Variants in APELA observed in about 807,000 individuals in gnomAD.
APELA encodes the protein apelin receptor early endogenous ligand, also known as protein Elabela.
chr4:164,878,632 G>GA (rs1256205769), intron 1 of APELA, among the ~76,000 whole-genome samples: 4 of 152,102 alleles, frequency 2.6e-5, no homozygotes, highest in Admixed American at 2.6e-4. Flanking sequence ...GAGCATTTAG[G>GA]AAAAAATCAT....
chr4:164,888,450 A>C (rs1162280593), intron 2 of APELA, among the ~76,000 whole-genome samples: 1 of 152,330 alleles, frequency 6.6e-6, no homozygotes. Flanking sequence ...GGTTTTCTTC[A>C]GTTAGTCCTA....
At position 164,889,274 on chromosome 4, in the gene APELA, T is replaced by C. The variant is rs1292110828; in HGVS notation, c.*2-6142T>C. Among the ~76,000 whole-genome samples, 6 of 152,284 alleles carry C rather than the reference T, an allele frequency of 3.9e-5. No homozygotes were observed. In the East Asian group the frequency reaches 7.7e-4, roughly 20 times the overall value. ...AAAATTGTGCTGGAGTTTAGTTCAA[T>C]TTTATACTTAGTCTTCACATTTTTT... On this transcript the variant is annotated intron_variant, in intron 2 of 2. Transcript: ENST00000507152.
At chr4:164,885,467 G>A (rs1485481190) in intron 2 of APELA, among the ~76,000 whole-genome samples, 8 of 151,946 alleles carry the variant, frequency 5.3e-5, no homozygotes, top group Admixed American at 2.0e-4. Context: ...TAGGCTGGGC[G>A]TGGTGGCTCA....
At chr4:164,886,640 C>A (rs13139663) in intron 2 of APELA, among the ~76,000 whole-genome samples, 1 of 151,068 alleles carries the variant, frequency 6.6e-6, no homozygotes, top group Non-Finnish European at 1.5e-5. Flanking sequence ...AGTGAGACTC[C>A]GTCTAAAAAA....
downstream of APELA, among the ~76,000 whole-genome samples, chr4:164,898,520 A>G (rs541343382): frequency 7.2e-3 from 1,045 of 145,788 alleles, 13 homozygotes; most frequent in African/African-American, 0.026. Context: ...AAAAAAAAAA[A>G]GGTTATTTGT....
Position 164,883,490 on chromosome 4 carries a change from C to CT in APELA, c.*1+4496dup, listed in dbSNP as rs397945999. On this transcript the variant is annotated intron_variant, in intron 2 of 2. Transcript: ENST00000507152. The stretch of plus-strand genomic sequence containing the variant: ...TGTTCCCTTTCTAGTCTTTCTTTTT[C>CT]TTTTTTTTTTTTTTTGAGACAGGAT... Among the ~76,000 whole-genome samples the CT allele has an allele frequency of 3.7e-3, 525 of 140,852 alleles. 7 individuals are homozygous for CT. The highest frequency in any genetic ancestry group is 0.037 in the South Asian group (168 of 4,524). The allele number at this position is 140,852 out of a possible 152,430, so 92.4% of individuals were successfully genotyped here. A position where few individuals can be genotyped will look rare whatever the true frequency, so the allele number is the denominator to read the frequency against.
chr4:164,898,035 C>T (rs1161836427), downstream of APELA, among the ~76,000 whole-genome samples: 1 of 152,000 alleles, frequency 6.6e-6, no homozygotes, highest in Non-Finnish European at 1.5e-5. Context: ...GGATTACAGG[C>T]ACCCACCACC....
Position 164,887,982 on chromosome 4 carries a change from A to G in APELA, c.*2-7434A>G, listed in dbSNP as rs552017426. On this transcript the variant is annotated intron_variant, in intron 2 of 2. Coordinates refer to ENST00000507152, the MANE Select transcript of APELA (RefSeq NM_001297550.2). ...TCACAGCAGAATTTAGCAGCTGGCT[A>G]CTTGGCCTGCAAAAGTCCCTTCCCT... Among the ~76,000 whole-genome samples the G allele has an allele frequency of 3.3e-5, 5 of 152,270 alleles. No individual in the cohort carries two copies. In the South Asian group the frequency reaches 6.2e-4, roughly 19 times the overall value.
chr4:164,888,634 T>C (rs1031222619), intron 2 of APELA, among the ~76,000 whole-genome samples: 1 of 152,144 alleles, frequency 6.6e-6, no homozygotes, highest in Non-Finnish European at 1.5e-5. Flanking sequence ...GTCTCCCAGT[T>C]CCCAATTTGT....
chr4:164,882,855 C>T (rs142391194), intron 2 of APELA, among the ~76,000 whole-genome samples: 3,124 of 151,878 alleles, frequency 0.021, 98 homozygotes, highest in African/African-American at 0.071. Flanking sequence ...TGGTTTTTTG[C>T]CCTTGCGATA....
rs1730607165 is a variant in APELA at position 164,878,970 on chromosome 4, AGAT to A, written c.129_131del (p.Arg43_Cys44delinsSer). On this transcript the variant is annotated inframe_deletion, in exon 2 of 3. Coordinates refer to ENST00000507152, the MANE Select transcript of APELA (RefSeq NM_001297550.2). ...GCGCAAACACAATTGCCTTCAGAGG[AGAT>A]GTATGCCTCTCCATTCACGAGTACC... 2.5e-5 allele frequency: 10 copies of A among 398,888 alleles called. 1 individual carries two copies. In the Admixed American group the frequency reaches 4.4e-4, roughly 18 times the overall value. 24.7% of individuals were successfully genotyped at this position (398,888 alleles called of 1,614,324 possible). A position where few individuals can be genotyped will look rare whatever the true frequency, so the allele number is the denominator to read the frequency against.
chr4:164,894,480 G>A (rs1579113784), intron 2 of APELA, among the ~76,000 whole-genome samples: 3 of 151,798 alleles, frequency 2.0e-5, no homozygotes, highest in African/African-American at 7.3e-5. Flanking sequence ...GCAGTGGCTT[G>A]ATCTGGGGTC....
At chr4:164,882,558 G>A (rs1225352708) in intron 2 of APELA, among the ~76,000 whole-genome samples, 1 of 151,384 alleles carries the variant, frequency 6.6e-6, no homozygotes, top group African/African-American at 2.4e-5. Flanking sequence ...ATATATTTTT[G>A]GAAAAAGTGT....
At chr4:164,894,318 T>C (rs2111070336) in intron 2 of APELA, among the ~76,000 whole-genome samples, 1 of 151,068 alleles carries the variant, frequency 6.6e-6, no homozygotes, top group Admixed American at 6.5e-5. Context: ...AACATGTATA[T>C]ATTGTAAGTT....
intron 2 of APELA, among the ~76,000 whole-genome samples, chr4:164,881,328 T>C (rs1024201282): frequency 2.6e-5 from 4 of 152,164 alleles, no homozygotes; most frequent in African/African-American, 9.7e-5. Flanking sequence ...TGTAAAAGGA[T>C]AGGTAAGGTA....
chr4:164,886,390 A>G (rs1291090007), intron 2 of APELA, among the ~76,000 whole-genome samples: 2 of 152,174 alleles, frequency 1.3e-5, no homozygotes, highest in Admixed American at 6.5e-5. Context: ...AGTGGCTCAC[A>G]CTTGTAAACC....
chr4:164,889,808 C>G (rs937621869), intron 2 of APELA, among the ~76,000 whole-genome samples: 1 of 152,178 alleles, frequency 6.6e-6, no homozygotes, highest in Non-Finnish European at 1.5e-5. Context: ...TGAACATGTT[C>G]AAACTTTTTT....
chr4:164,883,629 G>A (rs541141543), intron 2 of APELA, among the ~76,000 whole-genome samples: 1 of 151,670 alleles, frequency 6.6e-6, no homozygotes, highest in Non-Finnish European at 1.5e-5. Context: ...TGACAGTACC[G>A]GTGTGTGCCA....
In APELA at chr4:164,877,185, T is replaced by C. The variant is rs1730570434; in HGVS notation, c.-147T>C. The C allele has an allele frequency of 2.5e-6, 1 of 393,456 alleles. No homozygotes were observed. Among genetic ancestry groups the C allele is most frequent in the Non-Finnish European group, 4.5e-6 (1 of 222,906 alleles). 24.4% of individuals were successfully genotyped at this position (393,456 alleles called of 1,614,324 possible). ...GCACCGGCAACTTTGTCTAATGTGA[T>C]CATTAACCTTCCTGCAAAACACAGC... is the stretch of plus-strand genomic sequence containing the variant. On this transcript the variant is annotated 5_prime_UTR_variant, in exon 1 of 3. Transcript: ENST00000507152.
Sources: allele counts gnomAD v4.1 joint callset (sites outside exome capture counted in the v4.1 genomes callset), GRCh38; gene constraint gnomAD v4.1.1; transcripts MANE v1.5; gene names NCBI Gene and HGNC (gene_info 2026-07-23, HGNC 2026-07-21).